Variants in TPCN1 observed in about 807,000 individuals in gnomAD.
TPCN1 encodes the protein two pore segment channel 1.
TPCN1 carries 52 observed loss-of-function variants against 108.8 expected under a neutral mutation model. The observed-to-expected ratio is 0.48, with a 90% CI of 0.38 to 0.60. The LOEUF (loss-of-function observed/expected upper bound fraction) is 0.60. TPCN1 is among the 20% of genes least tolerant of loss of function. TPCN1 has a pLI of 0.00. For synonymous variants in TPCN1, 446 were observed against 433.7 expected (o/e 1.03, Z -0.35); for missense variants, 806 against 1,072.8 (o/e 0.75, Z 3.47).
In TPCN1 at chr12:113,272,756, A is replaced by T; in HGVS notation, c.783+64A>T. The T allele has an allele frequency of 2.0e-6, 3 of 1,525,954 alleles. No individual in the cohort carries two copies. The highest frequency in any genetic ancestry group is 2.7e-6 in the Non-Finnish European group (3 of 1,099,828). The allele number at this position is 1,525,954 out of a possible 1,614,324, so 94.5% of individuals were successfully genotyped here. A position where few individuals can be genotyped will look rare whatever the true frequency, so the allele number is the denominator to read the frequency against. On this transcript the variant is annotated intron_variant, in intron 8 of 27. Coordinates refer to ENST00000335509, the MANE Select transcript of TPCN1 (RefSeq NM_017901.6). This position sits in a 1 kb window ranked among gnomAD's most constrained non-coding sequence, Gnocchi z 4.1. Reference sequence around the variant, plus strand: ...GAGGGCTTTTCCCTCAGACAGGGTCACCGGCGTGACCCTGTGGCCATATGG... The same window carrying T: ...GAGGGCTTTTCCCTCAGACAGGGTCTCCGGCGTGACCCTGTGGCCATATGG...
intron 7 of TPCN1, among the ~76,000 whole-genome samples, chr12:113,271,210 GA>G (rs1955486508): frequency 6.6e-6 from 1 of 152,140 alleles, no homozygotes; most frequent in African/African-American, 2.4e-5. Flanking sequence ...TGGGGAGACA[GA>G]GGTTGCAGTG....
intron 1 of TPCN1, chr12:113,225,234 T>C (rs908992941): frequency 2.2e-6 from 1 of 453,128 alleles, no homozygotes; most frequent in African/African-American, 2.0e-5. Context: ...TAAAATTTTT[T>C]ATTTTGTAGA....
rs1955392170 is a variant in TPCN1, at chr12:113,269,033, A to T, written c.659+161A>T. Among the ~76,000 whole-genome samples the T allele has an allele frequency of 6.6e-6, 1 of 152,188 alleles. No individual in the cohort carries two copies. Among genetic ancestry groups the T allele is most frequent in the Non-Finnish European group, 1.5e-5 (1 of 68,034 alleles). On this transcript the variant is annotated intron_variant, in intron 6 of 27. Coordinates refer to ENST00000335509, the MANE Select transcript of TPCN1 (RefSeq NM_017901.6). The surrounding 1 kb of genome is among the most constrained non-coding windows in gnomAD (Gnocchi z 5.0). Reference sequence around the variant, plus strand: ...TCCCTCTGCCATTCCATCCACGCACAGGAGAAAGCGGTATTCCTACCGCAG... The same window carrying T: ...TCCCTCTGCCATTCCATCCACGCACTGGAGAAAGCGGTATTCCTACCGCAG...
chr12:113,293,257 G>C lies in TPCN1; in HGVS notation c.2254-12G>C. On this transcript the variant is annotated splice_polypyrimidine_tract_variant and intron_variant, in intron 26 of 27. Transcript: ENST00000335509. Reference sequence around the variant, plus strand: ...TCTGCAGCCGAGCCCTGCAGCCTCTGCTCTTCCTTAGCAACATTCCATGGT... The same window carrying C: ...TCTGCAGCCGAGCCCTGCAGCCTCTCCTCTTCCTTAGCAACATTCCATGGT... 6.2e-7 allele frequency: 1 copy of C among 1,614,044 alleles called. No homozygotes were observed. The highest frequency in any genetic ancestry group is 1.1e-5 in the South Asian group (1 of 91,088).
At chr12:113,261,517 C>T (rs1955035704) in intron 3 of TPCN1, among the ~76,000 whole-genome samples, 1 of 150,436 alleles carries the variant, frequency 6.6e-6, no homozygotes, top group Non-Finnish European at 1.5e-5. Context: ...CAACCTCTGC[C>T]TCCCGGGTTC....
chr12:113,248,531 C>T (rs889293878), intron 2 of TPCN1, among the ~76,000 whole-genome samples: 1 of 152,176 alleles, frequency 6.6e-6, no homozygotes, highest in Non-Finnish European at 1.5e-5. Context: ...CAAGGGTAGC[C>T]TCTGATAAAA....
chr12:113,228,443 G>A (rs1239352006), intron 2 of TPCN1, among the ~76,000 whole-genome samples: 5 of 152,052 alleles, frequency 3.3e-5, no homozygotes, highest in Admixed American at 6.6e-5. Context: ...GCGAGACCTC[G>A]GCTGTACAAA....
chr12:113,271,954 G>A (rs557105800), intron 7 of TPCN1, among the ~76,000 whole-genome samples: 110 of 152,328 alleles, frequency 7.2e-4, no homozygotes, highest in Non-Finnish European at 3.4e-4. Context: ...CCAGGACTCC[G>A]CAGATGGTGA....
intron 3 of TPCN1, among the ~76,000 whole-genome samples, chr12:113,261,120 G>A (rs1955014207): frequency 6.6e-6 from 1 of 152,050 alleles, no homozygotes; most frequent in Admixed American, 6.6e-5. Flanking sequence ...TGAGATGGAG[G>A]TTGCAGTGAG....
intron 23 of TPCN1, among the ~76,000 whole-genome samples, chr12:113,291,278 A>G (rs1313188158): frequency 1.3e-5 from 2 of 152,140 alleles, no homozygotes; most frequent in Non-Finnish European, 2.9e-5. Flanking sequence ...TGTCTCGCCC[A>G]CTGTAGAGAT....
At chr12:113,239,993 G>A (rs756679586) in intron 2 of TPCN1, among the ~76,000 whole-genome samples, 31 of 152,036 alleles carry the variant, frequency 2.0e-4, no homozygotes, top group African/African-American at 4.4e-4. Context: ...GTGGGTGGTC[G>A]TCGACAAGCA....
intron 22 of TPCN1, 33 bp downstream of exon 22, chr12:113,290,276 C>T: frequency 7.0e-7 from 1 of 1,430,512 alleles, no homozygotes; most frequent in Non-Finnish European, 9.7e-7. Context: ...GGCACATTCC[C>T]TGGGGACCCC....
Position 113,297,875 on chromosome 12 carries a change from CAA to C in TPCN1, c.*1800_*1801del, listed in dbSNP as rs886408210. 4 of 152,244 alleles carry C rather than the reference CAA, an allele frequency of 2.6e-5. No individual in the cohort carries two copies. The highest frequency in any genetic ancestry group is 9.7e-5 in the African/African-American group (4 of 41,440). 9.4% of individuals were successfully genotyped at this position (152,244 alleles called of 1,614,324 possible). On this transcript the variant is annotated 3_prime_UTR_variant, in exon 28 of 28. Coordinates refer to ENST00000335509, the MANE Select transcript of TPCN1 (RefSeq NM_017901.6). The surrounding 1 kb of genome is among the most constrained non-coding windows in gnomAD (Gnocchi z 4.4). ...TGTGTTGAAATGGGCGTTTTGGAAGCAAGGGTCAGGGGACAGCTTCTAAAGGT... is the reference window on the plus strand; with the variant it reads ...TGTGTTGAAATGGGCGTTTTGGAAGCGGGTCAGGGGACAGCTTCTAAAGGT...
In TPCN1 at chr12:113,288,935, G is replaced by A. The variant is rs1464010650; in HGVS notation, c.1796+88G>A. On this transcript the variant is annotated intron_variant, in intron 21 of 27. Coordinates refer to ENST00000335509, the MANE Select transcript of TPCN1 (RefSeq NM_017901.6). This position sits in a 1 kb window ranked among gnomAD's most constrained non-coding sequence, Gnocchi z 4.8. ...CAGGATTGGTGTCCTTGTGGCCTTGGGGTCCTCGGGGATGTTCCTGTCTAA... is the reference window on the plus strand; with the variant it reads ...CAGGATTGGTGTCCTTGTGGCCTTGAGGTCCTCGGGGATGTTCCTGTCTAA... 33 of 1,321,434 alleles carry A rather than the reference G, an allele frequency of 2.5e-5. No homozygotes were observed. The highest frequency in any genetic ancestry group is 2.2e-6 in the Non-Finnish European group (2 of 923,288). 81.9% of individuals were successfully genotyped at this position (1,321,434 alleles called of 1,614,324 possible).
chr12:113,297,777 GC>G lies in TPCN1; in HGVS notation c.*1705del, dbSNP rs1157521391. 6.6e-6 allele frequency: 1 copy of G among 152,284 alleles called. No homozygotes were observed. Among genetic ancestry groups the G allele is most frequent in the Non-Finnish European group, 1.5e-5 (1 of 68,088 alleles). The allele number at this position is 152,284 out of a possible 1,614,324, so 9.4% of individuals were successfully genotyped here. A position where few individuals can be genotyped will look rare whatever the true frequency, so the allele number is the denominator to read the frequency against. ...GCCATCAGCAGGAGCTCCACATCGAGCCCCAGGCCAGAACCCCCTCCCTTTC... is the reference window on the plus strand; with the variant it reads ...GCCATCAGCAGGAGCTCCACATCGAGCCCAGGCCAGAACCCCCTCCCTTTC... On this transcript the variant is annotated 3_prime_UTR_variant, in exon 28 of 28. Coordinates refer to ENST00000335509, the MANE Select transcript of TPCN1 (RefSeq NM_017901.6). The surrounding 1 kb of genome is among the most constrained non-coding windows in gnomAD (Gnocchi z 4.4).
intron 15 of TPCN1, among the ~76,000 whole-genome samples, chr12:113,280,836 TG>T (rs1160236910): frequency 2.0e-5 from 3 of 152,194 alleles, no homozygotes; most frequent in African/African-American, 7.2e-5. Context: ...TAGTAGGAAA[TG>T]GTGTTAGAGA....
intron 12 of TPCN1, among the ~76,000 whole-genome samples, chr12:113,277,777 T>C (rs1955724446): frequency 6.6e-6 from 1 of 152,122 alleles, no homozygotes; most frequent in South Asian, 2.1e-4. Flanking sequence ...AGGCTGTTGA[T>C]GACCAAGCCC....
In TPCN1 at chr12:113,266,015, CCGTGAGTTT is replaced by C. The variant is rs371893942; in HGVS notation, c.238-162_238-154del. ...AGCAGGCAGGAGTGAGACCTGACCA[CCGTGAGTTT>C]CGCGAAGATCATTTTGATTTTCCAG... is the stretch of plus-strand genomic sequence containing the variant. On this transcript the variant is annotated intron_variant, in intron 3 of 27. Transcript: ENST00000335509. This position sits in a 1 kb window ranked among gnomAD's most constrained non-coding sequence, Gnocchi z 4.2. 5.4e-3 allele frequency among the ~76,000 whole-genome samples: 818 copies of C among 152,256 alleles called. 6 individuals are homozygous for C. Among genetic ancestry groups the C allele is most frequent in the African/African-American group, 0.018 (760 of 41,534 alleles).
At chr12:113,223,438 T>TTTTTTTTTTTTA (rs1417345622) in intron 1 of TPCN1, among the ~76,000 whole-genome samples, 1 of 150,764 alleles carries the variant, frequency 6.6e-6, no homozygotes, top group Non-Finnish European at 1.5e-5. Context: ...GCTGAGTCTT[T>TTTTTTTTTTTTA]TTTTTTTTTT....
Sources: allele counts gnomAD v4.1 joint callset (sites outside exome capture counted in the v4.1 genomes callset), GRCh38; gene constraint gnomAD v4.1.1; non-coding constraint Gnocchi (gnomAD v3.1); transcripts MANE v1.5; gene names NCBI Gene and HGNC (gene_info 2026-07-23, HGNC 2026-07-21).